The following GNA14 variants were observed in gnomAD, a reference collection of about 807,000 sequenced individuals.
GNA14 encodes G protein subunit alpha 14.
A neutral mutation model predicts 42.0 loss-of-function variants in GNA14; 50 were observed. The ratio of observed to expected loss-of-function variants is 1.19; its 90% confidence interval spans 0.95 to 1.51. The LOEUF is 1.51. Ranked by LOEUF, GNA14 falls within the 40% of genes most tolerant of loss-of-function variation. The pLI is 0.00. For synonymous variants in GNA14, 173 were observed against 163.1 expected (o/e 1.06, Z -0.46); for missense variants, 473 against 446.2 (o/e 1.06, Z -0.54).
Position 77,424,035 on chromosome 9 carries a change from CA to C in GNA14, c.1011del (p.Phe337LeufsTer11). 6.2e-7 allele frequency: 1 copy of C among 1,610,738 alleles called. No individual in the cohort carries two copies. Among genetic ancestry groups the C allele is most frequent in the Middle Eastern group, 1.7e-4 (1 of 6,058 alleles). On this transcript the variant is annotated frameshift_variant, in exon 7 of 7. Transcript: ENST00000341700. LOFTEE classifies it high-confidence loss of function. ...ATDTDNIRFV[F>X]AAVKDTILQL... is the part of the protein sequence containing the mutation. ...TGTAGAATTGTGTCTTTGACAGCAG[CA>C]AACACAAAGCGAATATTGTCTGTAT...
intron 4 of GNA14, among the ~76,000 whole-genome samples, chr9:77,430,343 A>G (rs954124381): frequency 1.3e-5 from 2 of 152,222 alleles, no homozygotes; most frequent in Non-Finnish European, 2.9e-5. Flanking sequence ...GCAGTCCAAG[A>G]AGGATAAACT....
rs559960461 is a variant in GNA14, at chr9:77,435,843, C to CAGA, written c.310-1324_310-1322dup. Among the ~76,000 whole-genome samples the CAGA allele has an allele frequency of 2.3e-3, 347 of 152,260 alleles. 2 individuals carry two copies. The highest frequency in any genetic ancestry group is 2.1e-3 in the Non-Finnish European group (146 of 68,024). ...TCCTTTCCTTGGCTGCAAGTTGTAG[C>CAGA]AGACAAGTGAATCCTGGCAAGAGAA... On this transcript the variant is annotated intron_variant, in intron 2 of 6. Transcript: ENST00000341700.
At chr9:77,577,352 C>T (rs1823144164) in intron 1 of GNA14, among the ~76,000 whole-genome samples, 1 of 152,142 alleles carries the variant, frequency 6.6e-6, no homozygotes, top group Admixed American at 6.5e-5. Context: ...AATGAAAGTT[C>T]AGAGCTTTAC....
At chr9:77,481,525 G>T (rs1564027308) in intron 2 of GNA14, among the ~76,000 whole-genome samples, 1 of 152,182 alleles carries the variant, frequency 6.6e-6, no homozygotes, top group African/African-American at 2.4e-5. Flanking sequence ...TGTATATTCT[G>T]TTGATTTGGG....
intron 1 of GNA14, among the ~76,000 whole-genome samples, chr9:77,574,204 G>A (rs1210984678): frequency 6.6e-6 from 1 of 152,152 alleles, no homozygotes; most frequent in African/African-American, 2.4e-5. Context: ...AGCTGCCACT[G>A]AATATAAGCA....
intron 1 of GNA14, among the ~76,000 whole-genome samples, chr9:77,641,231 G>C (rs1394152243): frequency 6.6e-6 from 1 of 151,600 alleles, no homozygotes; most frequent in African/African-American, 2.4e-5. Flanking sequence ...TAAATGTGGA[G>C]AGTGCTGGAG....
intron 1 of GNA14, among the ~76,000 whole-genome samples, chr9:77,557,139 C>A (rs565866320): frequency 6.6e-6 from 1 of 152,090 alleles, no homozygotes; most frequent in Non-Finnish European, 1.5e-5. Context: ...AGCAGCCTTG[C>A]CCTGGGCTGA....
chr9:77,560,779 C>T (rs1030713384), intron 1 of GNA14, among the ~76,000 whole-genome samples: 2 of 152,130 alleles, frequency 1.3e-5, no homozygotes, highest in African/African-American at 4.8e-5. Context: ...AAGACAATGC[C>T]TAATGCCTCA....
chr9:77,561,703 T>C (rs1353477391), intron 1 of GNA14, among the ~76,000 whole-genome samples: 2 of 152,214 alleles, frequency 1.3e-5, no homozygotes, highest in Non-Finnish European at 2.9e-5. Flanking sequence ...AAATGGACAG[T>C]AGTGATGGTT....
chr9:77,514,475 G>A (rs1424902809), intron 2 of GNA14, among the ~76,000 whole-genome samples: 2 of 152,200 alleles, frequency 1.3e-5, no homozygotes, highest in Admixed American at 6.5e-5. Flanking sequence ...TGAAGTGGGA[G>A]AGATGCATAA....
chr9:77,625,570 G>A (rs1824000756), intron 1 of GNA14, among the ~76,000 whole-genome samples: 1 of 152,162 alleles, frequency 6.6e-6, no homozygotes, highest in Non-Finnish European at 1.5e-5. Context: ...AAGAGAGTGG[G>A]GACCAATATT....
At chr9:77,547,874 T>C in intron 1 of GNA14, among the ~76,000 whole-genome samples, 1 of 152,182 alleles carries the variant, frequency 6.6e-6, no homozygotes, top group East Asian at 1.9e-4. Flanking sequence ...ACATTAATTG[T>C]AGAAAGCAGT....
At chr9:77,430,432 A>C (rs1835527514) in intron 4 of GNA14, among the ~76,000 whole-genome samples, 1 of 152,258 alleles carries the variant, frequency 6.6e-6, no homozygotes, top group Admixed American at 6.5e-5. Context: ...GGACATTGCA[A>C]AAAGCAGTTA....
intron 2 of GNA14, among the ~76,000 whole-genome samples, chr9:77,480,877 TG>T (rs1444835270): frequency 6.6e-6 from 1 of 152,244 alleles, no homozygotes. Flanking sequence ...TGTATTTCTG[TG>T]GGATCAGTGG....
chr9:77,629,929 A>G (rs142194065), intron 1 of GNA14, among the ~76,000 whole-genome samples: 84 of 152,300 alleles, frequency 5.5e-4, no homozygotes, highest in African/African-American at 1.9e-3. Flanking sequence ...ATGAGTCAGC[A>G]CTGAATTTTT....
intron 1 of GNA14, among the ~76,000 whole-genome samples, chr9:77,603,956 C>CAAAAAAAAAAAAAAAAAAAAA (rs67044542): frequency 6.7e-4 from 55 of 81,602 alleles, no homozygotes; most frequent in South Asian, 1.6e-3. Context: ...AAAAAAAAAA[C>CAAAAAAAAAAAAAAAAAAAAA]AAAAAAAAAA....
At chr9:77,570,154 TTAAAC>T (rs1432171496) in intron 1 of GNA14, among the ~76,000 whole-genome samples, 2 of 152,254 alleles carry the variant, frequency 1.3e-5, no homozygotes, top group East Asian at 1.9e-4. Flanking sequence ...GAAGTTAACT[TTAAAC>T]TAAACAAATA....
At chr9:77,525,643 A>G (rs1211829155) in intron 2 of GNA14, among the ~76,000 whole-genome samples, 8 of 149,700 alleles carry the variant, frequency 5.3e-5, no homozygotes, top group African/African-American at 7.4e-5. Flanking sequence ...GGTTCACGCC[A>G]TTCTCCTACC....
intron 1 of GNA14, among the ~76,000 whole-genome samples, chr9:77,601,046 A>C (rs1015869107): frequency 6.6e-6 from 1 of 152,232 alleles, no homozygotes; most frequent in African/African-American, 2.4e-5. Context: ...AGGTGGAGCT[A>C]CGGGAAGTTC....
Sources: gnomAD v4.1 joint callset for allele counts (sites outside exome capture counted in the v4.1 genomes callset) on GRCh38, gnomAD v4.1.1 for gene constraint, MANE v1.5 for transcripts, NCBI Gene and HGNC (gene_info 2026-07-23, HGNC 2026-07-21) for gene names.